Variants in COMMD10 observed in about 807,000 individuals in gnomAD.
COMMD10 encodes the protein COMM domain containing 10.
A neutral mutation model predicts 28.9 loss-of-function variants in COMMD10; 33 were observed. The ratio of observed to expected loss-of-function variants is 1.14; its 90% CI spans 0.87 to 1.53. The LOEUF is 1.53. Ranked by LOEUF, COMMD10 falls within the 40% of genes most tolerant of loss-of-function variation. The probability of loss-of-function intolerance (pLI) is 0.00; values close to 1 mark genes in which losing one functional copy is unlikely to be tolerated. For missense variants in COMMD10, 310 were observed against 233.4 expected (o/e 1.33, Z -2.14); for synonymous variants, 110 against 81.7 (o/e 1.35, Z -1.87).
chr5:116,243,921 T>A (rs771647025), intron 5 of COMMD10, among the ~76,000 whole-genome samples: 3 of 152,116 alleles, frequency 2.0e-5, no homozygotes, highest in Non-Finnish European at 4.4e-5. Context: ...CCACTCCCCA[T>A]AATTAAGATG....
chr5:116,201,592 G>A (rs764443323), intron 5 of COMMD10, among the ~76,000 whole-genome samples: 3 of 152,084 alleles, frequency 2.0e-5, no homozygotes, highest in African/African-American at 4.8e-5. Flanking sequence ...TTATGGATCC[G>A]AGAAGAATCG....
chr5:116,259,639 A>G (rs1472243389), intron 5 of COMMD10, among the ~76,000 whole-genome samples: 1 of 151,392 alleles, frequency 6.6e-6, no homozygotes, highest in Non-Finnish European at 1.5e-5. Context: ...ATCCCTTTTT[A>G]CTTCTTGTAC....
At chr5:116,282,225 A>G (rs1347553308) in intron 5 of COMMD10, among the ~76,000 whole-genome samples, 3 of 151,690 alleles carry the variant, frequency 2.0e-5, no homozygotes, top group African/African-American at 7.3e-5. Flanking sequence ...CTTCATCCCA[A>G]TTCAAGTCTG....
chr5:116,199,125 G>A (rs1748600901), intron 5 of COMMD10, among the ~76,000 whole-genome samples: 1 of 152,148 alleles, frequency 6.6e-6, no homozygotes, highest in African/African-American at 2.4e-5. Context: ...TCATTTGGTG[G>A]TGTCAGTGTT....
chr5:116,241,619 T>TTTATTTATTTAC (rs1561387746), intron 5 of COMMD10, among the ~76,000 whole-genome samples: 1 of 150,682 alleles, frequency 6.6e-6, no homozygotes, highest in Non-Finnish European at 1.5e-5. Flanking sequence ...TATTTATTTA[T>TTTATTTATTTAC]TTATTTATTT....
chr5:116,239,202 A>AT (rs1262442766), intron 5 of COMMD10, among the ~76,000 whole-genome samples: 1 of 152,162 alleles, frequency 6.6e-6, no homozygotes. Flanking sequence ...ATCTTAGTGG[A>AT]TTTTTTATAG....
chr5:116,100,089 A>C (rs949490992), intron 4 of COMMD10, among the ~76,000 whole-genome samples: 1 of 152,138 alleles, frequency 6.6e-6, no homozygotes, highest in Non-Finnish European at 1.5e-5. Flanking sequence ...TATGAAACAA[A>C]GTTTTGACTG....
chr5:116,105,539 G>C (rs1580448342), intron 4 of COMMD10, among the ~76,000 whole-genome samples: 1 of 152,270 alleles, frequency 6.6e-6, no homozygotes, highest in African/African-American at 2.4e-5. Flanking sequence ...AATGGTACCA[G>C]CTTCTCTTTG....
At chr5:116,225,168 G>T (rs1340775455) in intron 5 of COMMD10, among the ~76,000 whole-genome samples, 2 of 151,652 alleles carry the variant, frequency 1.3e-5, no homozygotes, top group African/African-American at 4.8e-5. Context: ...TTTTTCTCTT[G>T]AGATTTATTC....
In COMMD10 at chr5:116,262,770, G is replaced by T. The variant is rs1156379680; in HGVS notation, c.511-28747G>T. On this transcript the variant is annotated intron_variant, in intron 5 of 6. Transcript: ENST00000274458. The stretch of plus-strand genomic sequence containing the variant: ...TAGCCTCATTACTCATTCCCAAAAT[G>T]ACCTGAGGTACCAGTTAGGTCCATT... Among the ~76,000 whole-genome samples the T allele has an allele frequency of 2.6e-5, 4 of 151,740 alleles. 1 individual carries two copies. The highest frequency in any genetic ancestry group is 5.9e-5 in the Non-Finnish European group (4 of 67,998).
intron 5 of COMMD10, among the ~76,000 whole-genome samples, chr5:116,243,665 G>C (rs1749869788): frequency 6.6e-6 from 1 of 152,088 alleles, no homozygotes; most frequent in Non-Finnish European, 1.5e-5. Flanking sequence ...GATATCCCTG[G>C]ATTAATGATT....
At chr5:116,115,508 A>G (rs1751203455) in intron 4 of COMMD10, among the ~76,000 whole-genome samples, 1 of 152,094 alleles carries the variant, frequency 6.6e-6, no homozygotes, top group Admixed American at 6.6e-5. Context: ...TGTCACTACC[A>G]CTTATTAGAA....
At chr5:116,114,703 GC>G (rs1561608581) in intron 4 of COMMD10, among the ~76,000 whole-genome samples, 1 of 152,192 alleles carries the variant, frequency 6.6e-6, no homozygotes, top group East Asian at 1.9e-4. Flanking sequence ...GGAGAGTGGG[GC>G]TACTGGTCCC....
intron 5 of COMMD10, among the ~76,000 whole-genome samples, chr5:116,166,247 A>G (rs144307542): frequency 2.3e-4 from 35 of 152,150 alleles, no homozygotes; most frequent in African/African-American, 7.5e-4. Context: ...GTTTTTTATA[A>G]AAATGTACAA....
At chr5:116,244,382 C>T (rs1162349878) in intron 5 of COMMD10, among the ~76,000 whole-genome samples, 1 of 151,872 alleles carries the variant, frequency 6.6e-6, no homozygotes, top group Non-Finnish European at 1.5e-5. Context: ...TTCCTTAATT[C>T]AGTAGGTATT....
chr5:116,110,547 T>A (rs1203015317), intron 4 of COMMD10, among the ~76,000 whole-genome samples: 3 of 152,228 alleles, frequency 2.0e-5, no homozygotes, highest in African/African-American at 7.2e-5. Flanking sequence ...TACCCATTAT[T>A]GGTCTATTCA....
chr5:116,151,172 C>T (rs185538019), intron 5 of COMMD10, among the ~76,000 whole-genome samples: 4,013 of 151,702 alleles, frequency 0.026, 150 homozygotes, highest in African/African-American at 0.086. Flanking sequence ...TATTGATTTG[C>T]GTATATTGAA....
chr5:116,152,802 C>T (rs10051072), intron 5 of COMMD10, among the ~76,000 whole-genome samples: 75,480 of 151,894 alleles, frequency 0.5, 21,740 homozygotes, highest in Non-Finnish European at 0.65. Flanking sequence ...ATGTGTTGAC[C>T]TCATTTGATT....
At chr5:116,174,864 A>G (rs1753450542) in intron 5 of COMMD10, among the ~76,000 whole-genome samples, 1 of 152,164 alleles carries the variant, frequency 6.6e-6, no homozygotes, top group African/African-American at 2.4e-5. Context: ...TAACTTCTCT[A>G]TAAAGAAATG....
Sources: allele counts gnomAD v4.1 joint callset (sites outside exome capture counted in the v4.1 genomes callset), GRCh38; gene constraint gnomAD v4.1.1; transcripts MANE v1.5; gene names NCBI Gene and HGNC (gene_info 2026-07-23, HGNC 2026-07-21).